The following MTHFD2L variants were observed in gnomAD, a reference collection of about 807,000 sequenced individuals.
MTHFD2L encodes the protein methylenetetrahydrofolate dehydrogenase (NADP+ dependent) 2 like, also known as bifunctional methylenetetrahydrofolate dehydrogenase/cyclohydrolase 2, mitochondrial.
Under a neutral mutation model 34.9 loss-of-function variants are expected in MTHFD2L, and 29 were observed. The ratio of observed to expected loss-of-function variants is 0.83; its 90% CI spans 0.62 to 1.13. The LOEUF is 1.13. MTHFD2L is among the 50% of genes most tolerant of loss of function. The pLI, the probability that MTHFD2L is intolerant of heterozygous loss-of-function variation, is 0.00. For missense variants in MTHFD2L, 481 were observed against 446.5 expected, an observed-to-expected ratio of 1.08 and a Z score of -0.70; for synonymous variants, 167 against 155.7, an observed-to-expected ratio of 1.07 and a Z score of -0.54.
chr4:74,167,717 A>C (rs1344797070), intron 1 of MTHFD2L, among the ~76,000 whole-genome samples: 1 of 152,156 alleles, frequency 6.6e-6, no homozygotes, highest in Non-Finnish European at 1.5e-5. Context: ...TCTGGAGAGA[A>C]CATGGTGCAG....
At chr4:74,229,867 A>T (rs1739740220) in intron 6 of MTHFD2L, among the ~76,000 whole-genome samples, 1 of 152,198 alleles carries the variant, frequency 6.6e-6, no homozygotes, top group Non-Finnish European at 1.5e-5. Context: ...TTTCTAGAGT[A>T]CTTTAATGTA....
chr4:74,163,387 C>A (rs1725881607), intron 1 of MTHFD2L, among the ~76,000 whole-genome samples: 1 of 152,206 alleles, frequency 6.6e-6, no homozygotes, highest in Non-Finnish European at 1.5e-5. Flanking sequence ...AGGCCAAGAG[C>A]TTTTGTGGCA....
intron 6 of MTHFD2L, among the ~76,000 whole-genome samples, chr4:74,239,806 G>C (rs1302364726): frequency 6.6e-6 from 1 of 152,172 alleles, no homozygotes; most frequent in African/African-American, 2.4e-5. Flanking sequence ...GTGCATTGCA[G>C]TAATGTTTTT....
At chr4:74,285,334 G>A (rs1331811013) in intron 7 of MTHFD2L, among the ~76,000 whole-genome samples, 1 of 151,766 alleles carries the variant, frequency 6.6e-6, no homozygotes, top group Non-Finnish European at 1.5e-5. Flanking sequence ...AAAACTTAAA[G>A]TATAATTTAA....
At chr4:74,143,349 T>C (rs1723394035) in intron 1 of MTHFD2L, 3 of 914,076 alleles carry the variant, frequency 3.3e-6, no homozygotes, top group Admixed American at 6.2e-5. Flanking sequence ...CAAAGAAATA[T>C]ACTCTTTGAG....
intron 1 of MTHFD2L, among the ~76,000 whole-genome samples, chr4:74,126,544 C>G (rs1722084861): frequency 6.6e-6 from 1 of 151,862 alleles, no homozygotes; most frequent in Non-Finnish European, 1.5e-5. Context: ...TTTCTAATGT[C>G]ACACTTTTTC....
intron 6 of MTHFD2L, 95 bp downstream of exon 6, chr4:74,225,489 A>C: frequency 1.1e-6 from 1 of 942,018 alleles, no homozygotes; most frequent in Non-Finnish European, 1.7e-6. Context: ...TGAGAGAGTT[A>C]GCTTTATGTA....
rs903093870 is a variant in MTHFD2L, at chr4:74,264,582, G to C, written c.806-16843G>C. ...GAGTGTTAGAATATATATCCACTTA[G>C]TAAGAGATAAGAATGAGGATTAAGT... On this transcript the variant is annotated intron_variant, in intron 6 of 7. Coordinates refer to ENST00000325278, the MANE Select transcript of MTHFD2L (RefSeq NM_001144978.3). Among the ~76,000 whole-genome samples, 10 of 150,748 alleles carry C rather than the reference G, an allele frequency of 6.6e-5. No individual in the cohort carries two copies. In the East Asian group the frequency reaches 1.9e-3, roughly 29 times the overall value.
chr4:74,288,741 C>T (rs781601738), intron 7 of MTHFD2L, among the ~76,000 whole-genome samples: 11 of 152,160 alleles, frequency 7.2e-5, no homozygotes, highest in Non-Finnish European at 1.2e-4. Flanking sequence ...TTACCCTGAG[C>T]TTTCCATGGA....
At chr4:74,141,540 T>G (rs1723275311) in intron 1 of MTHFD2L, among the ~76,000 whole-genome samples, 1 of 152,208 alleles carries the variant, frequency 6.6e-6, no homozygotes, top group South Asian at 2.1e-4. Context: ...TAAAACAGTC[T>G]TCTAACCCTC....
At chr4:74,215,571 G>A (rs534980248) in intron 5 of MTHFD2L, among the ~76,000 whole-genome samples, 2 of 151,664 alleles carry the variant, frequency 1.3e-5, no homozygotes, top group South Asian at 4.2e-4. Flanking sequence ...TACCTTAGTT[G>A]GAAATGCAGA....
chr4:74,204,567 T>G (rs1034448846), intron 5 of MTHFD2L, among the ~76,000 whole-genome samples: 1 of 152,174 alleles, frequency 6.6e-6, no homozygotes, highest in African/African-American at 2.4e-5. Flanking sequence ...TTTATAAAAG[T>G]TTATAAAGTA....
chr4:74,268,043 G>C, intron 6 of MTHFD2L: 2 of 985,034 alleles, frequency 2.0e-6, no homozygotes, highest in Non-Finnish European at 2.4e-6. Flanking sequence ...TATCTGTTCA[G>C]ATAGGAACCA....
chr4:74,250,308 T>G (rs1183362273), intron 6 of MTHFD2L, among the ~76,000 whole-genome samples: 1 of 152,234 alleles, frequency 6.6e-6, no homozygotes. Flanking sequence ...TCTAATTTAA[T>G]TCATGTCTCT....
intron 2 of MTHFD2L, among the ~76,000 whole-genome samples, chr4:74,118,106 A>G (rs1357464454): frequency 6.6e-6 from 1 of 152,244 alleles, no homozygotes; most frequent in Non-Finnish European, 1.5e-5. Flanking sequence ...TATTTATGAA[A>G]TTATGAATAA....
chr4:74,208,437 C>G (rs551855072), intron 5 of MTHFD2L, among the ~76,000 whole-genome samples: 1 of 152,248 alleles, frequency 6.6e-6, no homozygotes, highest in Admixed American at 6.5e-5. Context: ...TTGAAAAGAA[C>G]AGTAAAGCTT....
At chr4:74,211,168 C>A (rs1578481133) in intron 5 of MTHFD2L, among the ~76,000 whole-genome samples, 1 of 152,096 alleles carries the variant, frequency 6.6e-6, no homozygotes, top group Admixed American at 6.6e-5. Context: ...TTTGAATACC[C>A]TTTATTTTTT....
intron 1 of MTHFD2L, chr4:74,160,958 C>G (rs1725308224): frequency 6.6e-6 from 1 of 152,332 alleles, no homozygotes; most frequent in Non-Finnish European, 1.5e-5. Context: ...TTTTAATTAA[C>G]TAAATGGATA....
At chr4:74,202,288 C>T (rs375804657) in intron 5 of MTHFD2L, among the ~76,000 whole-genome samples, 2 of 152,274 alleles carry the variant, frequency 1.3e-5, no homozygotes, top group African/African-American at 4.8e-5. Flanking sequence ...TAGGACCACA[C>T]GAGTAAACAA....
Sources: allele counts gnomAD v4.1 joint callset (sites outside exome capture counted in the v4.1 genomes callset), GRCh38; gene constraint gnomAD v4.1.1; transcripts MANE v1.5; gene names NCBI Gene and HGNC (gene_info 2026-07-23, HGNC 2026-07-21).